The following HSH2D variants were observed in gnomAD, a reference collection of about 807,000 sequenced individuals.
The protein encoded by HSH2D is hematopoietic SH2 domain containing, also known as hematopoietic SH2 domain-containing protein.
In HSH2D, 16 loss-of-function variants were observed where a neutral mutation model predicts 21.5. That is an observed-to-expected ratio of 0.74 (90% CI 0.50 to 1.13). The LOEUF (loss-of-function observed/expected upper bound fraction) is 1.13, where lower values mean the gene tolerates loss of function less well. Ranked by LOEUF, HSH2D falls within the 50% of genes most tolerant of loss-of-function variation. The probability of loss-of-function intolerance (pLI) is 0.00; values close to 1 mark genes in which losing one functional copy is unlikely to be tolerated. For synonymous variants in HSH2D, 172 were observed against 184.7 expected (o/e 0.93, Z 0.56); for missense variants, 418 against 441.4 (o/e 0.95, Z 0.47).
intron 1 of HSH2D, among the ~76,000 whole-genome samples, chr19:16,137,963 G>C (rs1165214305): frequency 2.0e-5 from 3 of 152,124 alleles, no homozygotes; most frequent in Non-Finnish European, 2.9e-5. Flanking sequence ...CTGCCTCCTG[G>C]GTTCAAGCAA....
intron 1 of HSH2D, among the ~76,000 whole-genome samples, chr19:16,135,301 C>T (rs2090954825): frequency 6.6e-6 from 1 of 151,888 alleles, no homozygotes; most frequent in Non-Finnish European, 1.5e-5. Context: ...TGGTGGCATG[C>T]ACCTGTAGTC....
At chr19:16,153,373 T>A (rs1388527221) in intron 4 of HSH2D, among the ~76,000 whole-genome samples, 165 bp downstream of exon 4, 1 of 152,254 alleles carries the variant, frequency 6.6e-6, no homozygotes, top group African/African-American at 2.4e-5. Context: ...CACAGCGGTC[T>A]CCGTTGTGGT....
At chr19:16,148,210 A>G (rs7246560) in intron 1 of HSH2D, among the ~76,000 whole-genome samples, 135,781 of 151,294 alleles carry the variant, frequency 0.9, 61,162 homozygotes, top group African/African-American at 0.98. Flanking sequence ...GCACAGTGGC[A>G]TGATCTTGGC....
At chr19:16,149,499 G>A (rs186332144) in intron 2 of HSH2D, among the ~76,000 whole-genome samples, 5 of 151,728 alleles carry the variant, frequency 3.3e-5, no homozygotes, top group South Asian at 2.1e-4. Context: ...CACCGCACCC[G>A]GCCAGAATCT....
chr19:16,153,831 A>G (rs1483783930), intron 4 of HSH2D, among the ~76,000 whole-genome samples: 1 of 149,452 alleles, frequency 6.7e-6, no homozygotes, highest in Non-Finnish European at 1.5e-5. Flanking sequence ...CTCTCCTTAG[A>G]AGGCTCAGTG....
chr19:16,135,885 C>T (rs551715110), intron 1 of HSH2D, among the ~76,000 whole-genome samples: 1 of 152,238 alleles, frequency 6.6e-6, no homozygotes, highest in Non-Finnish European at 1.5e-5. Flanking sequence ...GTGGCCTGAA[C>T]CCATTGAATT....
At position 16,153,825 on chromosome 19, in the gene HSH2D, C is replaced by G. The variant is rs552395225; in HGVS notation, c.382-574C>G. On this transcript the variant is annotated intron_variant, in intron 4 of 5. Transcript: ENST00000613986. ...GAAACTGCTGAGGGGGGTTATCTCT[C>G]CTTAGAAGGCTCAGTGGGTGTGGCC... Among the ~76,000 whole-genome samples, 3 of 150,552 alleles carry G rather than the reference C, an allele frequency of 2.0e-5. No homozygotes were observed. The South Asian group carries it at 6.3e-4, about 32-fold the overall frequency.
chr19:16,148,858 T>C lies in HSH2D; in HGVS notation c.108T>C (p.His36=). 1 of 1,613,210 alleles carries C rather than the reference T, an allele frequency of 6.2e-7. No homozygotes were observed. Among genetic ancestry groups the C allele is most frequent in the Non-Finnish European group, 8.5e-7 (1 of 1,179,586 alleles). The change falls in exon 2 of 6, where the codon CAT becomes CAC. Residue 36 remains histidine, a synonymous_variant. Coordinates refer to ENST00000613986, the MANE Select transcript of HSH2D (RefSeq NM_001382417.1). ...LAQDGVPEWF[H]GAISREDAEN... ...AAGACGGGGTCCCCGAGTGGTTCCA[T>C]GGTGCAATCTCAAGAGAGTGAGGAC...
intron 1 of HSH2D, among the ~76,000 whole-genome samples, chr19:16,136,027 A>G (rs1173033615): frequency 6.6e-6 from 1 of 151,962 alleles, no homozygotes; most frequent in African/African-American, 2.4e-5. Flanking sequence ...GGCATTGCAA[A>G]CTCAGTGGGT....
chr19:16,153,317 T>C (rs1599424768), intron 4 of HSH2D, 109 bp downstream of exon 4: 1 of 1,127,936 alleles, frequency 8.9e-7, no homozygotes. Flanking sequence ...GTCACTCTCA[T>C]GGTCCTTGGC....
intron 2 of HSH2D, among the ~76,000 whole-genome samples, chr19:16,151,990 C>T (rs2091161300): frequency 1.3e-5 from 2 of 150,542 alleles, no homozygotes; most frequent in South Asian, 2.1e-4. Flanking sequence ...GCCTGTAATC[C>T]CCGCTACTCA....
At chr19:16,143,180 GT>G (rs2091017636), upstream of HSH2D, among the ~76,000 whole-genome samples, 1 of 151,972 alleles carries the variant, frequency 6.6e-6, no homozygotes, top group Non-Finnish European at 1.5e-5. Context: ...CGCCTCCCGG[GT>G]TCAAGCAATT....
At chr19:16,156,704 C>T (rs933748385) in intron 5 of HSH2D, among the ~76,000 whole-genome samples, 4 of 152,100 alleles carry the variant, frequency 2.6e-5, no homozygotes, top group African/African-American at 9.7e-5. Context: ...AGAAGTTTGC[C>T]AGGCCAGGTG....
chr19:16,144,943 C>T (rs1484443168), intron 1 of HSH2D, among the ~76,000 whole-genome samples: 6 of 151,550 alleles, frequency 4.0e-5, no homozygotes, highest in Admixed American at 3.3e-4. Flanking sequence ...CTGCCTGCCT[C>T]AGCCTCCCAA....
intron 1 of HSH2D, among the ~76,000 whole-genome samples, chr19:16,136,098 G>T (rs1295453772): frequency 6.6e-6 from 1 of 152,108 alleles, no homozygotes; most frequent in East Asian, 1.9e-4. Flanking sequence ...CTGCCCTGGT[G>T]GTCCCTGGCT....
At chr19:16,152,365 T>C (rs979462140) in intron 2 of HSH2D, among the ~76,000 whole-genome samples, 187 bp from the exon 3 acceptor site, 1 of 148,288 alleles carries the variant, frequency 6.7e-6, no homozygotes, top group Non-Finnish European at 1.5e-5. Context: ...TTGCAGTAAG[T>C]TGAGATCGCG....
chr19:16,135,379 T>G (rs2090955359), intron 1 of HSH2D, among the ~76,000 whole-genome samples: 1 of 151,630 alleles, frequency 6.6e-6, no homozygotes, highest in Non-Finnish European at 1.5e-5. Flanking sequence ...CAGTGAGCTG[T>G]GACCACACCA....
At chr19:16,136,771 G>A (rs1418999018) in intron 1 of HSH2D, among the ~76,000 whole-genome samples, 1 of 152,126 alleles carries the variant, frequency 6.6e-6, no homozygotes, top group Admixed American at 6.6e-5. Context: ...TAAAAGATTA[G>A]GGGTGGCCAG....
chr19:16,154,540 G>A, intron 5 of HSH2D, 49 bp downstream of exon 5: 1 of 1,201,020 alleles, frequency 8.3e-7, no homozygotes, highest in South Asian at 1.3e-5. Flanking sequence ...TGAGGGGCAG[G>A]AGTGGAGGTG....
Sources: gnomAD v4.1 joint callset for allele counts (sites outside exome capture counted in the v4.1 genomes callset) on GRCh38, gnomAD v4.1.1 for gene constraint, MANE v1.5 for transcripts, NCBI Gene and HGNC (gene_info 2026-07-23, HGNC 2026-07-21) for gene names.